Variants in DAPK3 observed in about 807,000 individuals in gnomAD.
DAPK3 encodes the protein death-associated protein kinase 3.
In DAPK3, 24 loss-of-function variants were observed where a neutral mutation model predicts 30.6. The ratio of observed to expected loss-of-function variants is 0.78; its 90% CI spans 0.57 to 1.10. The LOEUF is 1.10. Among genes scored for constraint, DAPK3 ranks in the 50% least tolerant of loss-of-function variants. DAPK3 has a pLI of 0.00. For synonymous variants in DAPK3, 341 were observed against 284.0 expected (o/e 1.20, Z -2.02); for missense variants, 629 against 657.3 (o/e 0.96, Z 0.47).
Position 3,963,739 on chromosome 19 carries a change from A to G in DAPK3, c.603-70T>C, listed in dbSNP as rs2039543854. ...CCACCCTCCCAGGACCGTGGCGTCC[A>G]GCGCCCCTGTTCTAGGGCAACGGTC... On this transcript the variant is annotated intron_variant, in intron 5 of 8. Coordinates refer to ENST00000545797, the MANE Select transcript of DAPK3 (RefSeq NM_001348.3). 2.2e-6 allele frequency: 3 copies of G among 1,357,780 alleles called. No homozygotes were observed. The East Asian group carries it at 7.4e-5, about 33-fold the overall frequency. 84.1% of individuals were successfully genotyped at this position (1,357,780 alleles called of 1,614,324 possible).
At position 3,964,796 on chromosome 19, in the gene DAPK3, C is replaced by T. The variant is rs1036829921; in HGVS notation, c.258G>A (p.Lys86=). 1 of 1,612,234 alleles carries T rather than the reference C, an allele frequency of 6.2e-7. No homozygotes were observed. The highest frequency in any genetic ancestry group is 8.5e-7 in the Non-Finnish European group (1 of 1,178,458). ...GCTCCAGGATGAGGACCACGTCCGT[C>T]TTGTTCTCGAAGATGTCGTGCAGGG... ...IITLHDIFEN[K]TDVVLILELV... The change falls in exon 3 of 9, where the codon AAG becomes AAA. Residue 86 remains lysine, a synonymous_variant. Transcript: ENST00000545797.
intron 8 of DAPK3, 195 bp downstream of exon 8, chr19:3,959,864 C>T (rs1235730438): frequency 7.8e-6 from 5 of 638,830 alleles, no homozygotes; most frequent in South Asian, 3.8e-5. Context: ...GCCAAGGATG[C>T]CACCAGGTCT....
Position 3,960,078 on chromosome 19 carries a change from A to G in DAPK3, c.809T>C (p.Leu270Pro). The change falls in exon 8 of 9, where the codon CTG becomes CCG. Residue 270 changes from leucine (L) to proline (P), a missense_variant. Physicochemically the swap from Leu to Pro is moderately conservative, Grantham distance 98 (BLOSUM62 -3). This residue lies in a region of DAPK3 where 323 missense variants were observed against 278.8 expected (regional missense o/e 1.16). Transcript: ENST00000545797. Reference sequence around the variant, plus strand: ...ACTTACCTTAATCCAGGAATGTTCCAGGCTCTGGGCAATGGTCATTCTCCG... The same window carrying G: ...ACTTACCTTAATCCAGGAATGTTCCGGGCTCTGGGCAATGGTCATTCTCCG... ...PKRRMTIAQS[L>P]EHSWIKAIRR... 6.4e-7 allele frequency: 1 copy of G among 1,569,172 alleles called. No homozygotes were observed. Among genetic ancestry groups the G allele is most frequent in the African/African-American group, 1.4e-5 (1 of 74,068 alleles).
In DAPK3 at chr19:3,958,900, T is replaced by C; in HGVS notation, c.*201A>G. The C allele has an allele frequency of 1.7e-6, 1 of 582,946 alleles. No homozygotes were observed. Among genetic ancestry groups the C allele is most frequent in the South Asian group, 2.1e-5 (1 of 48,086 alleles). 36.1% of individuals were successfully genotyped at this position (582,946 alleles called of 1,614,324 possible). A position where few individuals can be genotyped will look rare whatever the true frequency, so the allele number is the denominator to read the frequency against. ...AAGGTGAAGGCCAGCGTGGAGGCTG[T>C]GTAGAGAAGCAGCCCCGTCCCACAC... is the stretch of plus-strand genomic sequence containing the variant. On this transcript the variant is annotated 3_prime_UTR_variant, in exon 9 of 9. Coordinates refer to ENST00000545797, the MANE Select transcript of DAPK3 (RefSeq NM_001348.3).
chr19:3,963,700 C>T, intron 5 of DAPK3, 31 bp from the exon 6 acceptor site: 1 of 1,519,908 alleles, frequency 6.6e-7, no homozygotes, highest in Non-Finnish European at 8.9e-7. Context: ...AGGGTCAGCG[C>T]AGCGTGGGGC....
chr19:3,960,023 G>T lies in DAPK3; in HGVS notation c.828+36C>A, dbSNP rs764730405. On this transcript the variant is annotated intron_variant, in intron 8 of 8. Transcript: ENST00000545797. ...GGGACCCCAGCGAGAAGGCCAAGGCGGGAAGCCCAGGGAGCTCCCCCACCT... is the reference window on the plus strand; with the variant it reads ...GGGACCCCAGCGAGAAGGCCAAGGCTGGAAGCCCAGGGAGCTCCCCCACCT... 6 of 1,224,906 alleles carry T rather than the reference G, an allele frequency of 4.9e-6. No individual in the cohort carries two copies. In the South Asian group the frequency reaches 6.0e-5, roughly 12 times the overall value. The allele number at this position is 1,224,906 out of a possible 1,614,324, so 75.9% of individuals were successfully genotyped here.
intron 6 of DAPK3, among the ~76,000 whole-genome samples, chr19:3,962,881 A>T (rs1264186821): frequency 1.3e-5 from 2 of 151,482 alleles, no homozygotes; most frequent in African/African-American, 4.9e-5. Flanking sequence ...CAGGCAGATC[A>T]CCTGAGGTCA....
chr19:3,958,541 G>C lies in DAPK3; in HGVS notation c.*560C>G, dbSNP rs1237709536. The C allele has an allele frequency of 2.2e-6, 1 of 456,808 alleles. No individual in the cohort carries two copies. Among genetic ancestry groups the C allele is most frequent in the Non-Finnish European group, 4.4e-6 (1 of 227,608 alleles). The allele number at this position is 456,808 out of a possible 1,614,324, so 28.3% of individuals were successfully genotyped here. A position where few individuals can be genotyped will look rare whatever the true frequency, so the allele number is the denominator to read the frequency against. On this transcript the variant is annotated 3_prime_UTR_variant, in exon 9 of 9. Coordinates refer to ENST00000545797, the MANE Select transcript of DAPK3 (RefSeq NM_001348.3). ...AGGCGCGACGATGGGGCTCGCGGAG[G>C]AGTCCGCAGCAGGGCACCCCACACC...
At chr19:3,966,561 G>C (rs1401779412) in intron 2 of DAPK3, among the ~76,000 whole-genome samples, 2 of 152,182 alleles carry the variant, frequency 1.3e-5, no homozygotes, top group African/African-American at 4.8e-5. Flanking sequence ...GAACAGACCA[G>C]GCCAGGAGAG....
Position 3,959,296 on chromosome 19 carries a change from C to T in DAPK3, c.1170G>A (p.Ala390=). The change falls in exon 9 of 9, where the codon GCG becomes GCA. Residue 390 remains alanine, a synonymous_variant. Transcript: ENST00000545797. ...RLRQELLKTE[A]LKRQAQEEAK... ...CCTCCTCCTGCGCCTGCCGCTTGAG[C>T]GCCTCGGTCTTGAGCAGCTCCTGCC... 6.3e-7 allele frequency: 1 copy of T among 1,596,412 alleles called. No homozygotes were observed. Among genetic ancestry groups the T allele is most frequent in the Non-Finnish European group, 8.5e-7 (1 of 1,178,106 alleles).
chr19:3,959,547 TG>T lies in DAPK3; in HGVS notation c.918del (p.Ile307SerfsTer121). The part of the protein sequence containing the change: ...RLKTTRLKEY[T>X]IKSHSSLPPN... ...GGCGGCAAGCTGGAGTGCGACTTGA[TG>T]GTGTACTCCTTCAGACGCGTGGTCT... On this transcript the variant is annotated frameshift_variant, in exon 9 of 9. Coordinates refer to ENST00000545797, the MANE Select transcript of DAPK3 (RefSeq NM_001348.3). LOFTEE classifies it low-confidence loss of function (END_TRUNC). 6.3e-7 allele frequency: 1 copy of T among 1,580,436 alleles called. No individual in the cohort carries two copies. Among genetic ancestry groups the T allele is most frequent in the South Asian group, 1.1e-5 (1 of 87,944 alleles).
intron 2 of DAPK3, among the ~76,000 whole-genome samples, chr19:3,968,135 G>A (rs558658122): frequency 1.3e-5 from 2 of 152,216 alleles, no homozygotes; most frequent in African/African-American, 4.8e-5. Context: ...GCCCTGCCTG[G>A]TTCTTTTTAC....
At position 3,959,044 on chromosome 19, in the gene DAPK3, C is replaced by T. The variant is rs1300300404; in HGVS notation, c.*57G>A. On this transcript the variant is annotated 3_prime_UTR_variant, in exon 9 of 9. Coordinates refer to ENST00000545797, the MANE Select transcript of DAPK3 (RefSeq NM_001348.3). The stretch of plus-strand genomic sequence containing the variant: ...TGGGAGGCGCAGCGTCCACAGGAAG[C>T]GCCCCCACCGCAGGCCGAGCTCCGG... 8 of 1,142,576 alleles carry T rather than the reference C, an allele frequency of 7.0e-6. No individual in the cohort carries two copies. The East Asian group carries it at 1.1e-4, about 15-fold the overall frequency. 70.8% of individuals were successfully genotyped at this position (1,142,576 alleles called of 1,614,324 possible).
intron 2 of DAPK3, among the ~76,000 whole-genome samples, chr19:3,967,309 G>A (rs145077537): frequency 2.6e-5 from 4 of 152,114 alleles, no homozygotes; most frequent in South Asian, 2.1e-4. Flanking sequence ...AACATTAGCC[G>A]GGCGTGCTGG....
intron 1 of DAPK3, among the ~76,000 whole-genome samples, chr19:3,970,267 GTGT>G (rs949628109): frequency 3.9e-5 from 6 of 152,038 alleles, no homozygotes; most frequent in African/African-American, 7.2e-5. Context: ...TTTGTTGTTG[GTGT>G]TGTTGTTTTT....
chr19:3,961,794 C>T (rs1475939403), intron 6 of DAPK3: 1 of 303,978 alleles, frequency 3.3e-6, no homozygotes, highest in Admixed American at 4.0e-5. Context: ...GGCTAAATGC[C>T]GTGTGGGGAC....
At position 3,964,745 on chromosome 19, in the gene DAPK3, G is replaced by A; in HGVS notation, c.309C>T (p.Asp103=). Residue 103 remains aspartate (D), a synonymous_variant, in exon 3 of 9, where the codon GAC becomes GAT. Coordinates refer to ENST00000545797, the MANE Select transcript of DAPK3 (RefSeq NM_001348.3). ...TCAGCGACTCCTTCTCCGCCAGGAA[G>A]TCAAAGAGCTCCCCGCCAGAGACCA... ...LELVSGGELF[D]FLAEKESLTE... 6.2e-7 allele frequency: 1 copy of A among 1,612,856 alleles called. No homozygotes were observed. Among genetic ancestry groups the A allele is most frequent in the Non-Finnish European group, 8.5e-7 (1 of 1,179,260 alleles).
chr19:3,969,435 T>G (rs1186787015), intron 2 of DAPK3, among the ~76,000 whole-genome samples: 1 of 152,178 alleles, frequency 6.6e-6, no homozygotes, highest in Non-Finnish European at 1.5e-5. Context: ...CGGTCTTGGC[T>G]GCTGTAACGG....
intron 2 of DAPK3, among the ~76,000 whole-genome samples, chr19:3,967,698 T>C (rs1313710527): frequency 3.3e-5 from 5 of 152,196 alleles, no homozygotes; most frequent in Admixed American, 1.3e-4. Context: ...AAGATTGCAG[T>C]GAGCCAAGAT....
Sources: gnomAD v4.1 joint callset for allele counts (sites outside exome capture counted in the v4.1 genomes callset) on GRCh38, gnomAD v4.1.1 for gene constraint, gnomAD v4.1.1 regional missense constraint, MANE v1.5 for transcripts, NCBI Gene and HGNC (gene_info 2026-07-23, HGNC 2026-07-21) for gene names.